GALNT13: variants seen among roughly 807,000 people sequenced by gnomAD.
GALNT13 encodes UDP-GalNAc:polypeptide N-acetylgalactosaminyltransferase 13.
In GALNT13, 28 loss-of-function variants were observed where a neutral mutation model predicts 64.2. The ratio of observed to expected loss-of-function variants is 0.44; its 90% CI spans 0.32 to 0.60. The LOEUF is 0.60. GALNT13 is among the 20% of genes least tolerant of loss of function. GALNT13 has a pLI of 0.05. For synonymous variants in GALNT13, 214 were observed against 224.6 expected, an observed-to-expected ratio of 0.95 and a Z score of 0.42; for missense variants, 577 against 669.8, an observed-to-expected ratio of 0.86 and a Z score of 1.53.
the GALNT13 span, among the ~76,000 whole-genome samples, chr2:153,103,375 A>G: frequency 0.14 from 21,143 of 152,130 alleles, 1,821 homozygotes; most frequent in East Asian, 0.33. Context: ...TGGCTTCCCA[A>G]ATTAAATGTG....
chr2:153,794,206 C>A, the GALNT13 span, among the ~76,000 whole-genome samples: 1 of 151,820 alleles, frequency 6.6e-6, no homozygotes, highest in Non-Finnish European at 1.5e-5. Flanking sequence ...TTAAACTTCA[C>A]CTAAAATTTA....
At chr2:153,795,609 T>A in the GALNT13 span, among the ~76,000 whole-genome samples, 5 of 152,168 alleles carry the variant, frequency 3.3e-5, no homozygotes, top group Non-Finnish European at 7.3e-5. Flanking sequence ...GGAAGTTTAC[T>A]TTATGACCTC....
the GALNT13 span, among the ~76,000 whole-genome samples, chr2:153,128,783 C>T: frequency 3.3e-5 from 5 of 152,032 alleles, no homozygotes; most frequent in Admixed American, 3.3e-4. Flanking sequence ...GCTGTGGAAG[C>T]CTCACAATCA....
the GALNT13 span, among the ~76,000 whole-genome samples, chr2:153,859,690 G>A: frequency 1.3e-5 from 2 of 152,116 alleles, no homozygotes; most frequent in Non-Finnish European, 2.9e-5. Context: ...CACACAGATG[G>A]TGGCTATGAA....
At chr2:153,651,616 T>C in the GALNT13 span, among the ~76,000 whole-genome samples, 1 of 152,134 alleles carries the variant, frequency 6.6e-6, no homozygotes, top group African/African-American at 2.4e-5. Context: ...GAAGGACAAA[T>C]CCTCATCACA....
At chr2:153,257,204 G>T in the GALNT13 span, among the ~76,000 whole-genome samples, 2 of 152,194 alleles carry the variant, frequency 1.3e-5, no homozygotes, top group Non-Finnish European at 2.9e-5. Flanking sequence ...GGGTGGGAGT[G>T]ACCTGATTTT....
At chr2:153,715,627 T>C in the GALNT13 span, among the ~76,000 whole-genome samples, 2 of 152,236 alleles carry the variant, frequency 1.3e-5, no homozygotes, top group Non-Finnish European at 2.9e-5. Context: ...CTTGTCAACT[T>C]TTCAAACAGC....
At chr2:153,979,746 G>A (rs1220153466) in intron 3 of GALNT13, among the ~76,000 whole-genome samples, 2 of 152,160 alleles carry the variant, frequency 1.3e-5, no homozygotes, top group African/African-American at 4.8e-5. Flanking sequence ...ATCTAAGGAA[G>A]CTGACAAAGA....
At chr2:153,426,120 A>G in the GALNT13 span, among the ~76,000 whole-genome samples, 3 of 151,912 alleles carry the variant, frequency 2.0e-5, no homozygotes, top group South Asian at 2.1e-4. Flanking sequence ...ACATTACTCT[A>G]TTAAAATGGA....
chr2:153,586,872 C>A, the GALNT13 span, among the ~76,000 whole-genome samples: 25 of 152,010 alleles, frequency 1.6e-4, 1 homozygote, highest in Non-Finnish European at 2.9e-4. Context: ...AAATCAATAG[C>A]AAGAGGAACT....
At chr2:153,685,365 G>C in the GALNT13 span, among the ~76,000 whole-genome samples, 2 of 152,032 alleles carry the variant, frequency 1.3e-5, no homozygotes, top group Admixed American at 1.3e-4. Flanking sequence ...ATTCTGAGTA[G>C]TGTGAGATGA....
chr2:153,332,628 C>G, the GALNT13 span, among the ~76,000 whole-genome samples: 1 of 151,142 alleles, frequency 6.6e-6, no homozygotes, highest in Admixed American at 6.6e-5. Flanking sequence ...TCCCTATGCA[C>G]TTCTGTTGGA....
At chr2:154,378,314 G>T (rs2105326275) in intron 9 of GALNT13, among the ~76,000 whole-genome samples, 1 of 152,250 alleles carries the variant, frequency 6.6e-6, no homozygotes, top group African/African-American at 2.4e-5. Context: ...TCTTAGGAAT[G>T]ATTTGAGATG....
At position 154,293,238 on chromosome 2, in the gene GALNT13, G is replaced by T. The variant is rs575929685; in HGVS notation, c.976-8171G>T. Among the ~76,000 whole-genome samples the T allele has an allele frequency of 7.2e-5, 11 of 152,192 alleles. No homozygotes were observed. In the South Asian group the frequency reaches 2.3e-3, roughly 32 times the overall value. On this transcript the variant is annotated intron_variant, in intron 8 of 12. Coordinates refer to ENST00000392825, the MANE Select transcript of GALNT13 (RefSeq NM_052917.4). ...TGAATGAGACATCATGTTTTATTCA[G>T]CTTATACAGTTTGTTCAGACATTGT...
chr2:154,445,888 A>G (rs1207035771), intron 12 of GALNT13: 1 of 1,040,128 alleles, frequency 9.6e-7, no homozygotes, highest in Non-Finnish European at 1.3e-6. Flanking sequence ...TTATGTTCCT[A>G]TGGAGGAAAT....
the GALNT13 span, among the ~76,000 whole-genome samples, chr2:153,851,915 G>A: frequency 6.6e-6 from 1 of 152,122 alleles, no homozygotes; most frequent in African/African-American, 2.4e-5. Context: ...AGGCGGGGAG[G>A]GGAAAACGAA....
chr2:153,475,471 A>C, the GALNT13 span, among the ~76,000 whole-genome samples: 1 of 152,200 alleles, frequency 6.6e-6, no homozygotes, highest in Non-Finnish European at 1.5e-5. Flanking sequence ...GATGCAGGGA[A>C]GAGGAAAGAG....
At chr2:154,349,818 G>A (rs2105250704) in intron 9 of GALNT13, among the ~76,000 whole-genome samples, 1 of 152,252 alleles carries the variant, frequency 6.6e-6, no homozygotes, top group Non-Finnish European at 1.5e-5. Flanking sequence ...ATATAAATTG[G>A]GTCCAGTGTT....
chr2:153,124,495 C>T, the GALNT13 span, among the ~76,000 whole-genome samples: 27,803 of 151,960 alleles, frequency 0.18, 2,673 homozygotes, highest in Non-Finnish European at 0.21. Flanking sequence ...GGTTAGCTCG[C>T]TTTGTTTTGT....
Sources: allele counts gnomAD v4.1 joint callset (sites outside exome capture counted in the v4.1 genomes callset), GRCh38; gene constraint gnomAD v4.1.1; transcripts MANE v1.5; gene names NCBI Gene and HGNC (gene_info 2026-07-23, HGNC 2026-07-21).